The following SMAD3 variants were observed in gnomAD, a reference collection of about 807,000 sequenced individuals.
SMAD3 encodes SMAD family member 3.
A neutral mutation model predicts 51.8 loss-of-function variants in SMAD3; 12 were observed. That is an observed-to-expected ratio of 0.23 (90% CI 0.15 to 0.38). SMAD3 has a LOEUF of 0.38. Among genes scored for constraint, SMAD3 ranks in the 10% least tolerant of loss-of-function variants. The pLI, the probability that SMAD3 is intolerant of heterozygous loss-of-function variation, is 1.00. For synonymous variants in SMAD3, 238 were observed against 227.7 expected (o/e 1.05, Z -0.41); for missense variants, 294 against 565.6 (o/e 0.52, Z 4.87).
At chr15:67,129,677 C>T (rs1346928054) in intron 1 of SMAD3, among the ~76,000 whole-genome samples, 1 of 152,136 alleles carries the variant, frequency 6.6e-6, no homozygotes, top group Non-Finnish European at 1.5e-5. Flanking sequence ...ATCTTCTGGC[C>T]ATGTTAAAAT....
intron 1 of SMAD3, among the ~76,000 whole-genome samples, chr15:67,085,895 CACACATACACAG>C (rs1258574758): frequency 9.3e-5 from 3 of 32,198 alleles, no homozygotes; most frequent in Admixed American, 7.2e-4. Context: ...CACACACACA[CACACATACACAG>C]AGAACAGCTC....
chr15:67,155,059 T>G (rs559294807), intron 1 of SMAD3, among the ~76,000 whole-genome samples: 1 of 152,336 alleles, frequency 6.6e-6, no homozygotes, highest in African/African-American at 2.4e-5. Flanking sequence ...ACAAGGATCT[T>G]AATGCATCAG....
chr15:67,153,840 G>A (rs986207259), intron 1 of SMAD3, among the ~76,000 whole-genome samples: 13 of 152,202 alleles, frequency 8.5e-5, no homozygotes, highest in Admixed American at 1.3e-4. Flanking sequence ...TGGTGTCTGC[G>A]TGCTTTACAG....
intron 4 of SMAD3, 59 bp downstream of exon 4, chr15:67,166,912 C>T: frequency 1.6e-6 from 2 of 1,266,778 alleles, no homozygotes; most frequent in Non-Finnish European, 2.2e-6. Context: ...TGGGTTCATC[C>T]CTTCCATCCC....
chr15:67,135,783 C>A (rs1323681425), intron 1 of SMAD3, among the ~76,000 whole-genome samples: 1 of 152,176 alleles, frequency 6.6e-6, no homozygotes, highest in Non-Finnish European at 1.5e-5. Context: ...TGTGTGTTTT[C>A]ATCGTATTAT....
At chr15:67,181,103 A>G (rs1791482363) in intron 5 of SMAD3, 138 bp from the exon 6 acceptor site, 3 of 725,016 alleles carry the variant, frequency 4.1e-6, no homozygotes, top group Admixed American at 2.0e-5. Context: ...GTTTTATACG[A>G]TAAAAGGCAT....
intron 1 of SMAD3, among the ~76,000 whole-genome samples, chr15:67,161,769 A>G (rs1281086016): frequency 6.6e-6 from 1 of 152,184 alleles, no homozygotes; most frequent in Admixed American, 6.5e-5. Flanking sequence ...GCACTTTCAA[A>G]TGGAAACCAA....
At chr15:67,133,847 C>G (rs1012119573) in intron 1 of SMAD3, among the ~76,000 whole-genome samples, 1 of 152,114 alleles carries the variant, frequency 6.6e-6, no homozygotes, top group South Asian at 2.1e-4. Context: ...CTGAGAGATT[C>G]AGGAAGGGTA....
At chr15:67,167,325 T>A (rs867070998) in intron 4 of SMAD3, among the ~76,000 whole-genome samples, 1 of 151,976 alleles carries the variant, frequency 6.6e-6, no homozygotes, top group African/African-American at 2.4e-5. Context: ...GTCCAGAGAG[T>A]GTCTAGCCCA....
At chr15:67,099,539 G>A (rs761925077) in intron 1 of SMAD3, among the ~76,000 whole-genome samples, 10 of 152,204 alleles carry the variant, frequency 6.6e-5, no homozygotes, top group Non-Finnish European at 1.5e-4. Flanking sequence ...CATAAGGAAG[G>A]TTTACTCGCC....
chr15:67,081,747 G>A (rs1960283910), intron 1 of SMAD3, among the ~76,000 whole-genome samples: 2 of 152,070 alleles, frequency 1.3e-5, no homozygotes, highest in Non-Finnish European at 1.5e-5. Flanking sequence ...ATTCCTTGGG[G>A]GTCTCTTTAG....
At chr15:67,178,294 G>T (rs868791483) in intron 5 of SMAD3, among the ~76,000 whole-genome samples, 2 of 152,250 alleles carry the variant, frequency 1.3e-5, no homozygotes, top group East Asian at 3.9e-4. Flanking sequence ...TTTTTGAATG[G>T]TGGGCTGGGT....
chr15:67,194,382 T>A lies in SMAD3; in HGVS notation c.*3846T>A, dbSNP rs1198517744. ...TGATGAAGCATCTCCCATGGGGAGG[T>A]GATGGTGGGGAGATGATGGGCTAAA... On this transcript the variant is annotated 3_prime_UTR_variant, in exon 9 of 9. Transcript: ENST00000327367. 1 of 232,344 alleles carries A rather than the reference T, an allele frequency of 4.3e-6. No homozygotes were observed. The highest frequency in any genetic ancestry group is 8.5e-6 in the Non-Finnish European group (1 of 117,850). The allele number at this position is 232,344 out of a possible 1,614,324, so 14.4% of individuals were successfully genotyped here.
Position 67,190,896 on chromosome 15 carries a change from C to T in SMAD3, c.*360C>T. ...GATGTCACAGTCCAACCAGAAACAC[C>T]CCTCTGTCTAGGACTGCAGTGTGGA... On this transcript the variant is annotated 3_prime_UTR_variant, in exon 9 of 9. Coordinates refer to ENST00000327367, the MANE Select transcript of SMAD3 (RefSeq NM_005902.4). The T allele has an allele frequency of 2.5e-6, 1 of 406,454 alleles. No individual in the cohort carries two copies. The highest frequency in any genetic ancestry group is 2.9e-5 in the South Asian group (1 of 33,976). The allele number at this position is 406,454 out of a possible 1,614,324, so 25.2% of individuals were successfully genotyped here.
chr15:67,177,549 A>C (rs556802128), intron 5 of SMAD3, among the ~76,000 whole-genome samples: 48 of 150,190 alleles, frequency 3.2e-4, no homozygotes, highest in African/African-American at 1.2e-3. Flanking sequence ...CAGCCTCCAG[A>C]GTAGCTGGGA....
chr15:67,072,077 A>G (rs191569257), intron 1 of SMAD3, among the ~76,000 whole-genome samples: 2 of 152,374 alleles, frequency 1.3e-5, no homozygotes, highest in Admixed American at 6.5e-5. Flanking sequence ...AAATGCAAGA[A>G]GTTGATGAAA....
intron 1 of SMAD3, among the ~76,000 whole-genome samples, chr15:67,096,842 A>G (rs760741453): frequency 2.4e-4 from 36 of 152,234 alleles, no homozygotes; most frequent in Non-Finnish European, 3.8e-4. Context: ...GCAAGTGAGC[A>G]TGTGTGCTTG....
intron 1 of SMAD3, among the ~76,000 whole-genome samples, chr15:67,149,518 T>C (rs1163679023): frequency 6.6e-6 from 1 of 152,218 alleles, no homozygotes; most frequent in Non-Finnish European, 1.5e-5. Flanking sequence ...CGAGGAGGGC[T>C]GTTGCCACCC....
rs971816547 is a variant in SMAD3, at chr15:67,126,764, C to G, written c.207-38131C>G. On this transcript the variant is annotated intron_variant, in intron 1 of 8. Transcript: ENST00000327367. ...GTCTCTTCCTCAGCTCTGTGGTTAG[C>G]TGGGAGAGCTCCGACAGTAGAGTCT... Among the ~76,000 whole-genome samples the G allele has an allele frequency of 7.2e-5, 11 of 152,268 alleles. No homozygotes were observed. The South Asian group carries it at 1.2e-3, about 17-fold the overall frequency.
Sources: allele counts gnomAD v4.1 joint callset (sites outside exome capture counted in the v4.1 genomes callset), GRCh38; gene constraint gnomAD v4.1.1; transcripts MANE v1.5; gene names NCBI Gene and HGNC (gene_info 2026-07-23, HGNC 2026-07-21).